Variants in SPO11 observed in about 807,000 individuals in gnomAD.
SPO11 encodes SPO11 initiator of meiotic double strand breaks, also known as meiotic recombination protein SPO11.
SPO11 carries 49 observed loss-of-function variants against 51.6 expected under a neutral mutation model. That is an observed-to-expected ratio of 0.95 (90% CI 0.75 to 1.20). The LOEUF (loss-of-function observed/expected upper bound fraction) is 1.20, where lower values mean the gene tolerates loss of function less well. Ranked by LOEUF, SPO11 falls within the 50% of genes most tolerant of loss-of-function variation. The probability of loss-of-function intolerance (pLI) is 0.00; values close to 1 mark genes in which losing one functional copy is unlikely to be tolerated. For synonymous variants in SPO11, 176 were observed against 158.2 expected (o/e 1.11, Z -0.84); for missense variants, 431 against 473.4 (o/e 0.91, Z 0.83).
intron 2 of SPO11, 148 bp from the exon 3 acceptor site, chr20:57,333,040 C>T (rs1159533180): frequency 1.7e-6 from 1 of 584,840 alleles, no homozygotes; most frequent in Non-Finnish European, 3.0e-6. Flanking sequence ...GATCTATGCT[C>T]TCAAACCAGT....
At position 57,340,118 on chromosome 20, in the gene SPO11, C is replaced by T; in HGVS notation, c.899C>T (p.Ala300Val). ...KYGSMSMSFE[A>V]HHLTVPAIRW... ...TTATTTTAGTCTATGTCTTTTGAAG[C>T]TCATCATCTCACAGTTCCAGCTATT... The change falls in exon 11 of 13, where the codon GCT (alanine) becomes GTT (valine). Residue 300 changes from alanine (A) to valine (V), a missense_variant. Coordinates refer to ENST00000371263, the MANE Select transcript of SPO11 (RefSeq NM_012444.3). The T allele has an allele frequency of 1.9e-6, 3 of 1,611,188 alleles. No individual in the cohort carries two copies. Among genetic ancestry groups the T allele is most frequent in the Non-Finnish European group, 2.5e-6 (3 of 1,177,410 alleles).
At position 57,329,836 on chromosome 20, in the gene SPO11, G is replaced by A. The variant is rs201164098; in HGVS notation, c.-32G>A. Reference sequence around the variant, plus strand: ...CCCAAGGGCGCAGCCTAGGACAGGGGCTTCTGGAGCTTCTGGCAGCCGTCT... The same window carrying A: ...CCCAAGGGCGCAGCCTAGGACAGGGACTTCTGGAGCTTCTGGCAGCCGTCT... On this transcript the variant is annotated 5_prime_UTR_variant, in exon 1 of 13. Transcript: ENST00000371263. 1,268 of 1,599,686 alleles carry A rather than the reference G, an allele frequency of 7.9e-4. No homozygotes were observed. The highest frequency in any genetic ancestry group is 1.0e-3 in the Non-Finnish European group (1,218 of 1,171,728).
intron 11 of SPO11, 25 bp from the exon 12 acceptor site, chr20:57,342,694 TTTTTTACTGA>T: frequency 7.1e-7 from 1 of 1,401,748 alleles, no homozygotes; most frequent in Middle Eastern, 1.9e-4. Context: ...ACAGAAACAC[TTTTTTACTGA>T]TTTTTTTCAC....
chr20:57,338,361 A>T lies in SPO11; in HGVS notation c.830A>T (p.Asp277Val), dbSNP rs1287151522. The change falls in exon 9 of 13, where the codon GAT (aspartate) becomes GTT (valine). Residue 277 changes from aspartate to valine, a missense_variant. Asp to Val is a radical substitution (Grantham distance 152). Transcript: ENST00000371263. ...CATGTTCCTGTTTTCACTCTTGTAG[A>T]TGCTGATCCACATGGTAATTTATCA... ...TFHVPVFTLV[D>V]ADPHGIEIMC... 3 of 1,608,398 alleles carry T rather than the reference A, an allele frequency of 1.9e-6. No individual in the cohort carries two copies. Among genetic ancestry groups the T allele is most frequent in the East Asian group, 2.2e-5 (1 of 44,852 alleles).
chr20:57,335,514 C>A, intron 7 of SPO11, 59 bp downstream of exon 7: 1 of 1,532,458 alleles, frequency 6.5e-7, no homozygotes, highest in South Asian at 1.2e-5. Context: ...TTCATTAATT[C>A]CTTTGGTAAG....
At chr20:57,342,951 G>A (rs1268603477) in intron 12 of SPO11, 111 bp downstream of exon 12, 7 of 751,708 alleles carry the variant, frequency 9.3e-6, no homozygotes, top group East Asian at 2.7e-5. Context: ...TATATGACAC[G>A]ACTAACATAA....
Position 57,343,551 on chromosome 20 carries a change from A to T in SPO11, c.*91A>T. ...CTATTGTGGAAAGAACATATATTATATTCTTAATTCTGTAAAAGTGAAATA... is the reference window on the plus strand; with the variant it reads ...CTATTGTGGAAAGAACATATATTATTTTCTTAATTCTGTAAAAGTGAAATA... On this transcript the variant is annotated 3_prime_UTR_variant, in exon 13 of 13. Transcript: ENST00000371263. 1 of 1,256,950 alleles carries T rather than the reference A, an allele frequency of 8.0e-7. No homozygotes were observed. The highest frequency in any genetic ancestry group is 1.1e-6 in the Non-Finnish European group (1 of 925,736). 77.9% of individuals were successfully genotyped at this position (1,256,950 alleles called of 1,614,324 possible).
At chr20:57,337,707 G>A in intron 8 of SPO11, 1 of 1,286,610 alleles carries the variant, frequency 7.8e-7, no homozygotes. Flanking sequence ...CCTTCAGTCT[G>A]TTTGTATATA....
intron 6 of SPO11, among the ~76,000 whole-genome samples, chr20:57,335,189 C>T (rs549165886): frequency 6.6e-6 from 1 of 152,054 alleles, no homozygotes; most frequent in African/African-American, 2.4e-5. Flanking sequence ...GGCTTTGATA[C>T]AAAGAGAGCC....
At chr20:57,342,607 A>T in intron 11 of SPO11, 122 bp from the exon 12 acceptor site, 2 of 630,736 alleles carry the variant, frequency 3.2e-6, no homozygotes, top group Non-Finnish European at 5.7e-6. Context: ...TAAGAGGTAG[A>T]TCTGTACTAA....
In SPO11 at chr20:57,343,916, T is replaced by C. The variant is rs1281980424; in HGVS notation, c.*456T>C. On this transcript the variant is annotated 3_prime_UTR_variant, in exon 13 of 13. Coordinates refer to ENST00000371263, the MANE Select transcript of SPO11 (RefSeq NM_012444.3). ...CTTCTTACATTTTCCTTTGCCTTTA[T>C]ACTTTAGGGGTCTTACTCCATTAAT... The C allele has an allele frequency of 6.5e-6, 1 of 152,794 alleles. No homozygotes were observed. The highest frequency in any genetic ancestry group is 6.5e-5 in the Admixed American group (1 of 15,288). The allele number at this position is 152,794 out of a possible 1,614,324, so 9.5% of individuals were successfully genotyped here. A position where few individuals can be genotyped will look rare whatever the true frequency, so the allele number is the denominator to read the frequency against.
intron 4 of SPO11, 109 bp downstream of exon 4, chr20:57,333,862 A>C (rs2066478502): frequency 1.1e-6 from 1 of 913,144 alleles, no homozygotes; most frequent in African/African-American, 1.7e-5. Flanking sequence ...ACTATAGCTC[A>C]TAATTTACTT....
At position 57,333,964 on chromosome 20, in the gene SPO11, ATATG is replaced by A. The variant is rs1185457083; in HGVS notation, c.402-19_402-16del. 7.4e-7 allele frequency: 1 copy of A among 1,355,412 alleles called. No homozygotes were observed. The highest frequency in any genetic ancestry group is 1.5e-5 in the African/African-American group (1 of 67,520). The allele number at this position is 1,355,412 out of a possible 1,614,324, so 84.0% of individuals were successfully genotyped here. A position where few individuals can be genotyped will look rare whatever the true frequency, so the allele number is the denominator to read the frequency against. ...TCAAAAAGAATATAGTTAATTAAAA[ATATG>A]TATTTTAAATTTTCATAGGGACATA... On this transcript the variant is annotated intron_variant, in intron 4 of 12. Transcript: ENST00000371263.
At chr20:57,333,456 C>G (rs2066473453) in intron 3 of SPO11, among the ~76,000 whole-genome samples, 180 bp downstream of exon 3, 1 of 152,156 alleles carries the variant, frequency 6.6e-6, no homozygotes, top group African/African-American at 2.4e-5. Context: ...TCAACATAAA[C>G]ATTTTTCAAG....
At position 57,340,268 on chromosome 20, in the gene SPO11, C is replaced by T; in HGVS notation, c.959+90C>T. The T allele has an allele frequency of 4.0e-6, 3 of 758,532 alleles. No homozygotes were observed. In the South Asian group the frequency reaches 5.0e-5, roughly 13 times the overall value. The allele number at this position is 758,532 out of a possible 1,614,324, so 47.0% of individuals were successfully genotyped here. ...CCTAAAAAGTCACTACAAGGGAAAG[C>T]TCTTAATGTTTTTTATTTATATTGT... On this transcript the variant is annotated intron_variant, in intron 11 of 12. Coordinates refer to ENST00000371263, the MANE Select transcript of SPO11 (RefSeq NM_012444.3).
At chr20:57,337,843 G>A in intron 8 of SPO11, 10 of 963,636 alleles carry the variant, frequency 1.0e-5, no homozygotes, top group East Asian at 5.9e-5. Flanking sequence ...GCCACATGCA[G>A]AGTACTAACC....
At chr20:57,339,087 G>T in intron 10 of SPO11, 61 bp downstream of exon 10, 1 of 1,172,698 alleles carries the variant, frequency 8.5e-7, no homozygotes, top group South Asian at 1.5e-5. Context: ...TCATTGAGGT[G>T]ATTTCTGCAT....
chr20:57,335,436 G>A lies in SPO11; in HGVS notation c.615G>A (p.Ser205=), dbSNP rs757585150. The change falls in exon 7 of 13, where the codon TCG becomes TCA. Residue 205 remains serine, a synonymous_variant. Transcript: ENST00000371263. ...TCGATAVAVP[S]NIQGIRNLVT... is the part of the protein sequence containing the mutation. ...TTTAAAAGGCTGTTGCTGTGCCATC[G>A]AATATTCAAGGAATTCGGAGTATCC... is the stretch of plus-strand genomic sequence containing the variant. 9.3e-6 allele frequency: 15 copies of A among 1,610,042 alleles called. No homozygotes were observed. Among genetic ancestry groups the A allele is most frequent in the South Asian group, 2.2e-5 (2 of 89,970 alleles).
intron 8 of SPO11, 50 bp downstream of exon 8, chr20:57,335,957 G>A (rs1443654450): frequency 8.7e-6 from 9 of 1,040,186 alleles, no homozygotes; most frequent in Non-Finnish European, 1.3e-5. Flanking sequence ...ATACTGTTAT[G>A]GTGATTGGTA....
Sources: allele counts gnomAD v4.1 joint callset (sites outside exome capture counted in the v4.1 genomes callset), GRCh38; gene constraint gnomAD v4.1.1; transcripts MANE v1.5; gene names NCBI Gene and HGNC (gene_info 2026-07-23, HGNC 2026-07-21).